ZCCHC14: variants seen among roughly 807,000 people sequenced by gnomAD.
ZCCHC14 encodes zinc finger CCHC-type containing 14.
Under a neutral mutation model 85.0 loss-of-function variants are expected in ZCCHC14, and 16 were observed. That is an observed-to-expected ratio of 0.19 (90% CI 0.13 to 0.29). The LOEUF (loss-of-function observed/expected upper bound fraction) is 0.29. ZCCHC14 is among the 10% of genes least tolerant of loss of function. ZCCHC14 has a pLI of 1.00. For missense variants in ZCCHC14, 1,303 were observed against 1,443.5 expected, an observed-to-expected ratio of 0.90 and a Z score of 1.58; for synonymous variants, 775 against 630.7, an observed-to-expected ratio of 1.23 and a Z score of -3.43.
intron 1 of ZCCHC14, chr16:87,467,482 A>C: frequency 1.2e-6 from 2 of 1,606,898 alleles, no homozygotes; most frequent in African/African-American, 1.3e-5. Flanking sequence ...TCTGGAGGAC[A>C]GATGTACCAC....
chr16:87,429,054 C>T (rs778673660), intron 3 of ZCCHC14, among the ~76,000 whole-genome samples: 3 of 152,188 alleles, frequency 2.0e-5, no homozygotes, highest in Non-Finnish European at 4.4e-5. Context: ...GCTTAATTCC[C>T]CCAGGGTAAA....
chr16:87,443,264 G>A lies in ZCCHC14; in HGVS notation c.695-10063C>T, dbSNP rs376596512. Among the ~76,000 whole-genome samples, 4 of 152,350 alleles carry A rather than the reference G, an allele frequency of 2.6e-5. No homozygotes were observed. In the South Asian group the frequency reaches 8.3e-4, roughly 32 times the overall value. On this transcript the variant is annotated intron_variant, in intron 2 of 12. Coordinates refer to ENST00000671377, the MANE Select transcript of ZCCHC14 (RefSeq NM_015144.3). Reference sequence around the variant, plus strand: ...ACCTTCCACCGGCACTGGTAAGTGGGCTCCAGGCAGACTGGGGTCACTGAT... The same window carrying A: ...ACCTTCCACCGGCACTGGTAAGTGGACTCCAGGCAGACTGGGGTCACTGAT...
intron 2 of ZCCHC14, among the ~76,000 whole-genome samples, chr16:87,439,074 T>C (rs921909256): frequency 2.6e-5 from 4 of 152,116 alleles, no homozygotes; most frequent in Non-Finnish European, 4.4e-5. Context: ...GCCCTGCGTA[T>C]GGATTATGGA....
chr16:87,425,908 A>C (rs572813363), intron 3 of ZCCHC14, among the ~76,000 whole-genome samples: 1 of 152,364 alleles, frequency 6.6e-6, no homozygotes, highest in African/African-American at 2.4e-5. Flanking sequence ...CACCCCAGCG[A>C]TTAAACATGG....
chr16:87,478,654 T>G lies in ZCCHC14; in HGVS notation c.570+13015A>C, dbSNP rs1375380564. Among the ~76,000 whole-genome samples, 5 of 151,980 alleles carry G rather than the reference T, an allele frequency of 3.3e-5. No individual in the cohort carries two copies. In the East Asian group the frequency reaches 9.7e-4, roughly 29 times the overall value. On this transcript the variant is annotated intron_variant, in intron 1 of 12. Transcript: ENST00000671377. ...GACGGAGTCTCACTGTTGCCCAGGC[T>G]GGAGTGCAGTGGCGCCATCTTGGCT...
chr16:87,413,530 G>T (rs1162955283), intron 10 of ZCCHC14, among the ~76,000 whole-genome samples: 1 of 151,386 alleles, frequency 6.6e-6, no homozygotes, highest in Admixed American at 6.6e-5. Context: ...GAGTCACGGA[G>T]ATCTTTTCAG....
intron 2 of ZCCHC14, among the ~76,000 whole-genome samples, chr16:87,448,113 T>C (rs1424683794): frequency 1.3e-5 from 2 of 152,210 alleles, no homozygotes; most frequent in African/African-American, 4.8e-5. Context: ...GAAGATAATC[T>C]TCACAATCAT....
intron 1 of ZCCHC14, among the ~76,000 whole-genome samples, chr16:87,465,409 AGATTGT>A (rs1362742645): frequency 2.6e-5 from 4 of 152,280 alleles, no homozygotes; most frequent in African/African-American, 9.6e-5. Flanking sequence ...ACAGACAATC[AGATTGT>A]TCCACCACAT....
intron 2 of ZCCHC14, among the ~76,000 whole-genome samples, chr16:87,444,099 A>T (rs117127618): frequency 0.016 from 2,458 of 151,992 alleles, 26 homozygotes; most frequent in Middle Eastern, 0.045. Context: ...GGCCCTGTGG[A>T]GCTAGACTGT....
At position 87,406,313 on chromosome 16, in the gene ZCCHC14, A is replaced by T. The variant is rs1908199305; in HGVS notation, c.*3967T>A. On this transcript the variant is annotated 3_prime_UTR_variant, in exon 13 of 13. Coordinates refer to ENST00000671377, the MANE Select transcript of ZCCHC14 (RefSeq NM_015144.3). ...TCATAAAAACATTCTAAAAATGTAC[A>T]ATTTGTCCTTTTTAACAAAGTATAA... is the stretch of plus-strand genomic sequence containing the variant. The T allele has an allele frequency of 6.6e-6, 1 of 152,660 alleles. No individual in the cohort carries two copies. Among genetic ancestry groups the T allele is most frequent in the Admixed American group, 6.5e-5 (1 of 15,278 alleles). The allele number at this position is 152,660 out of a possible 1,614,324, so 9.5% of individuals were successfully genotyped here. A position where few individuals can be genotyped will look rare whatever the true frequency, so the allele number is the denominator to read the frequency against.
rs1567544331 is a variant in ZCCHC14, at chr16:87,481,531, G to GT, written c.570+10137_570+10138insA. On this transcript the variant is annotated intron_variant, in intron 1 of 12. Coordinates refer to ENST00000671377, the MANE Select transcript of ZCCHC14 (RefSeq NM_015144.3). Reference sequence around the variant, plus strand: ...AAGTGTGGCAGGGAGAGAAACGGGGGGGGGGGGGGGTGGGGGGGGGGAAGG... The same window carrying GT: ...AAGTGTGGCAGGGAGAGAAACGGGGGTGGGGGGGGGGTGGGGGGGGGGAAGG... 2.0e-3 allele frequency among the ~76,000 whole-genome samples: 54 copies of GT among 26,762 alleles called. 1 individual carries two copies. Among genetic ancestry groups the GT allele is most frequent in the African/African-American group, 6.4e-3 (47 of 7,324 alleles). The allele number at this position is 26,762 out of a possible 152,430, so 17.6% of individuals were successfully genotyped here.
At chr16:87,453,738 A>C (rs552119868) in intron 2 of ZCCHC14, among the ~76,000 whole-genome samples, 1 of 152,242 alleles carries the variant, frequency 6.6e-6, no homozygotes, top group Non-Finnish European at 1.5e-5. Flanking sequence ...TGGAAACTCT[A>C]TAATCACACA....
chr16:87,461,115 G>C (rs1186783735), intron 1 of ZCCHC14, among the ~76,000 whole-genome samples: 1 of 152,194 alleles, frequency 6.6e-6, no homozygotes, highest in Non-Finnish European at 1.5e-5. Context: ...CCGCCCCCAA[G>C]CTGTGGGTGG....
chr16:87,436,877 G>A (rs1909950499), intron 2 of ZCCHC14, among the ~76,000 whole-genome samples: 1 of 152,210 alleles, frequency 6.6e-6, no homozygotes, highest in Non-Finnish European at 1.5e-5. Context: ...GAAGTGAAGA[G>A]TAGCTTTTCC....
At chr16:87,469,629 T>G (rs1176191807) in intron 1 of ZCCHC14, among the ~76,000 whole-genome samples, 1 of 152,228 alleles carries the variant, frequency 6.6e-6, no homozygotes, top group African/African-American at 2.4e-5. Context: ...AATGTTAGCA[T>G]TCAAAATGTT....
At position 87,419,910 on chromosome 16, in the gene ZCCHC14, A is replaced by C. The variant is rs550869640; in HGVS notation, c.951-33T>G. 2.2e-4 allele frequency: 339 copies of C among 1,546,554 alleles called. 4 individuals carry two copies. In the South Asian group the frequency reaches 3.8e-3, roughly 17 times the overall value. On this transcript the variant is annotated intron_variant, in intron 5 of 12. Transcript: ENST00000671377. The stretch of plus-strand genomic sequence containing the variant: ...GCAAACAAGTGGTCTTATCAACATT[A>C]AAATGGCATTCCTGCTGACGAATTG...
intron 1 of ZCCHC14, among the ~76,000 whole-genome samples, chr16:87,463,765 G>A (rs1885125295): frequency 6.6e-6 from 1 of 152,198 alleles, no homozygotes; most frequent in Non-Finnish European, 1.5e-5. Context: ...GGAGGTTGCA[G>A]TGAGCTGAGA....
chr16:87,451,732 C>T (rs990926722), intron 2 of ZCCHC14, among the ~76,000 whole-genome samples: 1 of 152,196 alleles, frequency 6.6e-6, no homozygotes, highest in Non-Finnish European at 1.5e-5. Context: ...AGGAGCAGGA[C>T]AGTGCTGTTG....
intron 1 of ZCCHC14, chr16:87,474,100 T>C (rs1911896616): frequency 6.6e-6 from 1 of 152,456 alleles, no homozygotes; most frequent in South Asian, 2.1e-4. Context: ...ACTGCAGCTA[T>C]GACCAGACCC....
Sources: allele counts gnomAD v4.1 joint callset (sites outside exome capture counted in the v4.1 genomes callset), GRCh38; gene constraint gnomAD v4.1.1; transcripts MANE v1.5; gene names NCBI Gene and HGNC (gene_info 2026-07-23, HGNC 2026-07-21).